The following FOXP2 variants were observed in gnomAD, a reference collection of about 807,000 sequenced individuals.
FOXP2 encodes the protein forkhead box P2, also known as forkhead box protein P2.
A neutral mutation model predicts 115.8 loss-of-function variants in FOXP2; 12 were observed. The ratio of observed to expected loss-of-function variants is 0.10; its 90% CI spans 0.07 to 0.17. FOXP2 has a LOEUF of 0.17. Ranked by LOEUF, FOXP2 falls within the 10% of genes least tolerant of loss-of-function variation. The pLI, the probability that FOXP2 is intolerant of heterozygous loss-of-function variation, is 1.00. For missense variants in FOXP2, 629 were observed against 843.5 expected, an observed-to-expected ratio of 0.75 and a Z score of 3.15; for synonymous variants, 328 against 297.7, an observed-to-expected ratio of 1.10 and a Z score of -1.05.
intron 3 of FOXP2, among the ~76,000 whole-genome samples, chr7:114,612,370 A>G (rs1486571095): frequency 1.7e-5 from 2 of 115,688 alleles, no homozygotes; most frequent in African/African-American, 4.0e-5. Flanking sequence ...GTATATATAT[A>G]CTATATACAC....
intron 9 of FOXP2, among the ~76,000 whole-genome samples, 164 bp from the exon 10 acceptor site, chr7:114,653,762 A>G (rs1244882406): frequency 6.6e-6 from 1 of 152,106 alleles, no homozygotes; most frequent in East Asian, 1.9e-4. Flanking sequence ...TTCCCCCTCC[A>G]TAGCTAAAGT....
intron 2 of FOXP2, among the ~76,000 whole-genome samples, chr7:114,334,472 C>CATT (rs1797791905): frequency 6.6e-6 from 1 of 151,026 alleles, no homozygotes; most frequent in South Asian, 2.1e-4. Flanking sequence ...CATATTTAAG[C>CATT]ATTATTATTA....
intron 2 of FOXP2, among the ~76,000 whole-genome samples, chr7:114,518,089 C>G (rs1250476249): frequency 6.6e-6 from 1 of 152,062 alleles, no homozygotes; most frequent in Non-Finnish European, 1.5e-5. Flanking sequence ...CTATTATAAA[C>G]AAATATCATT....
chr7:114,521,319 T>C (rs538497923), intron 2 of FOXP2, among the ~76,000 whole-genome samples: 5 of 152,066 alleles, frequency 3.3e-5, no homozygotes, highest in Non-Finnish European at 5.9e-5. Flanking sequence ...TATATCCTTT[T>C]TCTAGACCCA....
At chr7:114,141,928 G>A (rs915243657) in intron 1 of FOXP2, among the ~76,000 whole-genome samples, 6 of 152,150 alleles carry the variant, frequency 3.9e-5, no homozygotes, top group African/African-American at 1.4e-4. Context: ...ATGGTTCATA[G>A]TCAGGTACAG....
At chr7:114,595,109 C>G (rs1027720761) in intron 3 of FOXP2, among the ~76,000 whole-genome samples, 1 of 151,944 alleles carries the variant, frequency 6.6e-6, no homozygotes, top group Non-Finnish European at 1.5e-5. Context: ...AAAAGGCACC[C>G]TTATGATTTA....
chr7:114,637,716 G>A (rs1040787773), intron 6 of FOXP2, among the ~76,000 whole-genome samples: 9 of 152,036 alleles, frequency 5.9e-5, no homozygotes, highest in Non-Finnish European at 7.4e-5. Context: ...AGAAATAAAG[G>A]CAAGAATAGG....
chr7:114,653,742 A>G (rs1030492156), intron 9 of FOXP2, among the ~76,000 whole-genome samples, 184 bp from the exon 10 acceptor site: 1 of 152,186 alleles, frequency 6.6e-6, no homozygotes, highest in Admixed American at 6.6e-5. Context: ...AAGAAAAGCT[A>G]TAAAAGTTTT....
chr7:114,530,069 T>C (rs1799066818), intron 2 of FOXP2, among the ~76,000 whole-genome samples: 1 of 151,674 alleles, frequency 6.6e-6, no homozygotes, highest in Non-Finnish European at 1.5e-5. Flanking sequence ...TGCTGGCAAT[T>C]TTTTTTTGGT....
At chr7:114,170,073 T>A (rs540247074) in intron 1 of FOXP2, among the ~76,000 whole-genome samples, 28 of 152,328 alleles carry the variant, frequency 1.8e-4, no homozygotes, top group Middle Eastern at 6.8e-3. Flanking sequence ...CTAATATAGC[T>A]GCTTTTCCAA....
chr7:114,431,515 A>G (rs1426401037), intron 2 of FOXP2, among the ~76,000 whole-genome samples: 1 of 151,932 alleles, frequency 6.6e-6, no homozygotes, highest in African/African-American at 2.4e-5. Context: ...AGTGGCTGAC[A>G]CTGTCTATTG....
intron 3 of FOXP2, among the ~76,000 whole-genome samples, chr7:114,587,531 C>T (rs941329203): frequency 7.2e-5 from 11 of 152,126 alleles, no homozygotes; most frequent in African/African-American, 2.4e-4. Flanking sequence ...GGGATGGTTC[C>T]AAGTCTTAAA....
chr7:114,331,691 A>C (rs574044073), intron 2 of FOXP2, among the ~76,000 whole-genome samples: 6 of 151,202 alleles, frequency 4.0e-5, no homozygotes, highest in African/African-American at 1.5e-4. Context: ...TTTTAGAGAC[A>C]GAGTCTCACT....
At chr7:114,499,559 A>G (rs746809205) in intron 2 of FOXP2, 22 of 152,138 alleles carry the variant, frequency 1.4e-4, no homozygotes, top group Non-Finnish European at 3.2e-4. Context: ...ATCTTACACA[A>G]TGAACCTTGT....
intron 3 of FOXP2, among the ~76,000 whole-genome samples, chr7:114,553,958 A>T (rs930912241): frequency 1.3e-5 from 2 of 152,196 alleles, no homozygotes; most frequent in East Asian, 3.9e-4. Flanking sequence ...TTTTCTAGGT[A>T]TATTTTTATT....
chr7:114,162,259 A>T (rs1040158263), upstream of FOXP2, among the ~76,000 whole-genome samples: 7 of 152,084 alleles, frequency 4.6e-5, no homozygotes, highest in African/African-American at 1.4e-4. Context: ...GAAAGGTGGG[A>T]TGTGTTGCAT....
At position 114,297,209 on chromosome 7, in the gene FOXP2, G is replaced by A. The variant is rs182653187; in HGVS notation, c.-11+9100G>A. 2.2e-3 allele frequency: 1,048 copies of A among 478,268 alleles called. 1 individual carries two copies. Among genetic ancestry groups the A allele is most frequent in the African/African-American group, 5.4e-3 (268 of 49,242 alleles). The allele number at this position is 478,268 out of a possible 1,614,324, so 29.6% of individuals were successfully genotyped here. On this transcript the variant is annotated intron_variant, in intron 2 of 17. Transcript: ENST00000634411. ...GTGGATGTGTCCCCACCCTTTTCTC[G>A]ATGAAACTTGAGGGCCCGTTTGTCC... is the stretch of plus-strand genomic sequence containing the variant.
chr7:114,369,232 A>G (rs1562890034), intron 2 of FOXP2, among the ~76,000 whole-genome samples: 1 of 152,226 alleles, frequency 6.6e-6, no homozygotes, highest in East Asian at 1.9e-4. Flanking sequence ...CTTCCGTCAC[A>G]TTCTATTTGT....
At chr7:114,333,237 G>T (rs1165370054) in intron 2 of FOXP2, among the ~76,000 whole-genome samples, 1 of 152,168 alleles carries the variant, frequency 6.6e-6, no homozygotes, top group Admixed American at 6.5e-5. Flanking sequence ...GAAGAGAAAA[G>T]ATTATTCATT....
Sources: allele counts gnomAD v4.1 joint callset (sites outside exome capture counted in the v4.1 genomes callset), GRCh38; gene constraint gnomAD v4.1.1; transcripts MANE v1.5; gene names NCBI Gene and HGNC (gene_info 2026-07-23, HGNC 2026-07-21).